The following H6PD variants were observed in gnomAD, a reference collection of about 807,000 sequenced individuals.
The protein encoded by H6PD is hexose-6-phosphate dehydrogenase/glucose 1-dehydrogenase.
In H6PD, 48 loss-of-function variants were observed where a neutral mutation model predicts 61.2. The ratio of observed to expected loss-of-function variants is 0.78; its 90% CI spans 0.62 to 1.00. H6PD has a LOEUF of 1.00. H6PD is among the 50% of genes least tolerant of loss of function. The pLI is 0.00. For missense variants in H6PD, 1,093 were observed against 1,065.0 expected (o/e 1.03, Z -0.37); for synonymous variants, 480 against 457.9 (o/e 1.05, Z -0.62).
chr1:9,236,962 T>C (rs1176020562), intron 1 of H6PD, among the ~76,000 whole-genome samples: 2 of 152,178 alleles, frequency 1.3e-5, no homozygotes, highest in African/African-American at 4.8e-5. Context: ...AAGGAAGAAC[T>C]GTGAAAGGCA....
intron 3 of H6PD, among the ~76,000 whole-genome samples, chr1:9,256,851 G>C (rs1641535919): frequency 6.6e-6 from 1 of 152,092 alleles, no homozygotes; most frequent in South Asian, 2.1e-4. Flanking sequence ...CCAAATTGTG[G>C]ATAGATTATT....
Position 9,244,115 on chromosome 1 carries a change from T to C in H6PD, c.-10-810T>C, listed in dbSNP as rs186416946. On this transcript the variant is annotated intron_variant, in intron 1 of 4. Transcript: ENST00000377403. The stretch of plus-strand genomic sequence containing the variant: ...CTTGTCTGGATTCATTGAGCTCTAA[T>C]ACACATAAGTACTTAGTGCCAGCAC... Among the ~76,000 whole-genome samples the C allele has an allele frequency of 7.2e-5, 11 of 152,326 alleles. 1 individual carries two copies. Among genetic ancestry groups the C allele is most frequent in the African/African-American group, 2.6e-4 (11 of 41,572 alleles).
chr1:9,250,126 AC>A (rs148491483), intron 3 of H6PD, among the ~76,000 whole-genome samples: 2,027 of 152,158 alleles, frequency 0.013, 65 homozygotes, highest in African/African-American at 0.046. Flanking sequence ...CCTGCAGCAC[AC>A]CCCAGCATGG....
intron 4 of H6PD, among the ~76,000 whole-genome samples, chr1:9,263,042 C>T (rs1211490644): frequency 6.6e-6 from 1 of 152,162 alleles, no homozygotes; most frequent in Non-Finnish European, 1.5e-5. Flanking sequence ...CGGGCCTCTG[C>T]TTGGTGACTC....
chr1:9,244,130 A>G (rs1274695650), intron 1 of H6PD, among the ~76,000 whole-genome samples: 2 of 152,204 alleles, frequency 1.3e-5, no homozygotes, highest in Non-Finnish European at 2.9e-5. Context: ...ATAAGTACTT[A>G]GTGCCAGCAC....
At position 9,263,708 on chromosome 1, in the gene H6PD, C is replaced by T. The variant is rs574364535; in HGVS notation, c.1215C>T (p.Gly405=). 1.3e-5 allele frequency: 21 copies of T among 1,613,864 alleles called. No homozygotes were observed. The highest frequency in any genetic ancestry group is 1.6e-4 in the Middle Eastern group (1 of 6,084). ...PRQLVFHIGH[G]DLGSPAVLVS... ...AGCTCGTCTTCCACATCGGCCATGG[C>T]GACCTGGGCAGCCCTGCCGTGCTGG... Residue 405 remains glycine (G), a synonymous_variant, in exon 5 of 5, where the codon GGC becomes GGT. Transcript: ENST00000377403.
At chr1:9,262,659 C>T (rs1169939422) in intron 4 of H6PD, among the ~76,000 whole-genome samples, 21 of 152,192 alleles carry the variant, frequency 1.4e-4, no homozygotes, top group Admixed American at 1.4e-3. Flanking sequence ...AGTGAGGCCG[C>T]AAGCCTTTTG....
intron 1 of H6PD, among the ~76,000 whole-genome samples, chr1:9,242,250 C>T (rs1641019751): frequency 6.6e-6 from 1 of 152,076 alleles, no homozygotes; most frequent in South Asian, 2.1e-4. Context: ...ACTTCAGGTC[C>T]TCTTCCTTCT....
chr1:9,241,026 C>T (rs1640981841), intron 1 of H6PD, among the ~76,000 whole-genome samples: 1 of 152,140 alleles, frequency 6.6e-6, no homozygotes, highest in Non-Finnish European at 1.5e-5. Context: ...AGCCTTCCTC[C>T]TGCTGCTTCC....
In H6PD at chr1:9,267,554, T is replaced by G. The variant is rs1293311858; in HGVS notation, c.*2685T>G. ...CTGCCGCCGAGTCTAGGATGTCCTG[T>G]TCTAACTCAGCCCTGCCTCGGATGC... On this transcript the variant is annotated 3_prime_UTR_variant, in exon 5 of 5. Coordinates refer to ENST00000377403, the MANE Select transcript of H6PD (RefSeq NM_004285.4). The G allele has an allele frequency of 6.6e-6, 1 of 152,268 alleles. No individual in the cohort carries two copies. Among genetic ancestry groups the G allele is most frequent in the Non-Finnish European group, 1.5e-5 (1 of 68,074 alleles). 9.4% of individuals were successfully genotyped at this position (152,268 alleles called of 1,614,324 possible).
Position 9,264,157 on chromosome 1 carries a change from T to C in H6PD, c.1664T>C (p.Leu555Pro). Reference protein sequence around the residue: ...VLRAKYRESPLVSAWSEELIS... With the variant: ...VLRAKYRESPPVSAWSEELIS... ...AGGGCCAAGTACCGAGAGAGCCCGC[T>C]GGTCTCCGCCTGGTCCGAGGAGCTG... Residue 555 changes from leucine (L) to proline (P), a missense_variant, in exon 5 of 5, where the codon CTG becomes CCG. Leu to Pro is a moderately conservative substitution (Grantham distance 98). Coordinates refer to ENST00000377403, the MANE Select transcript of H6PD (RefSeq NM_004285.4). 2 of 1,613,278 alleles carry C rather than the reference T, an allele frequency of 1.2e-6. No homozygotes were observed. Among genetic ancestry groups the C allele is most frequent in the Non-Finnish European group, 1.7e-6 (2 of 1,179,572 alleles).
intron 1 of H6PD, among the ~76,000 whole-genome samples, chr1:9,242,209 C>T (rs1641018770): frequency 5.3e-5 from 8 of 152,166 alleles, no homozygotes; most frequent in Admixed American, 5.2e-4. Flanking sequence ...AGTCTCACTA[C>T]TCAAAGTGTG....
intron 1 of H6PD, among the ~76,000 whole-genome samples, chr1:9,239,484 G>A (rs1389514257): frequency 6.6e-6 from 1 of 152,096 alleles, no homozygotes; most frequent in Non-Finnish European, 1.5e-5. Flanking sequence ...TGCATTGATG[G>A]GTTCAGCATA....
chr1:9,261,921 C>G, intron 3 of H6PD, 138 bp from the exon 4 acceptor site: 1 of 883,162 alleles, frequency 1.1e-6, no homozygotes, highest in Non-Finnish European at 1.9e-6. Context: ...TTGGTGTGCA[C>G]CATTTTTATA....
chr1:9,257,506 T>C (rs1250616601), intron 3 of H6PD, among the ~76,000 whole-genome samples: 1 of 152,222 alleles, frequency 6.6e-6, no homozygotes, highest in African/African-American at 2.4e-5. Flanking sequence ...ACATTACGTC[T>C]TGGAGGTTTA....
chr1:9,260,768 T>C (rs796753985), intron 3 of H6PD, among the ~76,000 whole-genome samples: 51 of 152,260 alleles, frequency 3.3e-4, no homozygotes, highest in African/African-American at 1.2e-3. Context: ...TGCTGCTCCA[T>C]GTTCTCCAGG....
chr1:9,247,441 G>C (rs771552278), intron 3 of H6PD, among the ~76,000 whole-genome samples: 1 of 152,096 alleles, frequency 6.6e-6, no homozygotes, highest in Admixed American at 6.5e-5. Context: ...CAGCCGTGGC[G>C]CCCCCTGCCT....
rs542612656 is a variant in H6PD at position 9,270,250 on chromosome 1, C to G, written c.*5381C>G. 1 of 152,590 alleles carries G rather than the reference C, an allele frequency of 6.6e-6. No individual in the cohort carries two copies. Among genetic ancestry groups the G allele is most frequent in the African/African-American group, 2.4e-5 (1 of 41,440 alleles). The allele number at this position is 152,590 out of a possible 1,614,324, so 9.5% of individuals were successfully genotyped here. A position where few individuals can be genotyped will look rare whatever the true frequency, so the allele number is the denominator to read the frequency against. ...AAAGGCAGTCTGCATCTTTTCTTCC[C>G]TTGGTGTGGGAGAGGTAAACACTTT... On this transcript the variant is annotated 3_prime_UTR_variant, in exon 5 of 5. Coordinates refer to ENST00000377403, the MANE Select transcript of H6PD (RefSeq NM_004285.4).
intron 3 of H6PD, among the ~76,000 whole-genome samples, chr1:9,249,148 C>G (rs963918056): frequency 1.3e-5 from 2 of 152,206 alleles, no homozygotes; most frequent in African/African-American, 2.4e-5. Context: ...TATCTCCGCC[C>G]TGGGCTGGGG....
Sources: gnomAD v4.1 joint callset for allele counts (sites outside exome capture counted in the v4.1 genomes callset) on GRCh38, gnomAD v4.1.1 for gene constraint, MANE v1.5 for transcripts, NCBI Gene and HGNC (gene_info 2026-07-23, HGNC 2026-07-21) for gene names.